Variants in CXCR5 observed in about 807,000 individuals in gnomAD.
CXCR5 encodes the protein C-X-C motif chemokine receptor 5, also known as C-X-C chemokine receptor type 5.
Under a neutral mutation model 5.6 loss-of-function variants are expected in CXCR5, and 3 were observed. The observed-to-expected ratio is 0.54, with a 90% CI of 0.24 to 1.39. The LOEUF (loss-of-function observed/expected upper bound fraction) is 1.39, where lower values mean the gene tolerates loss of function less well. Ranked by LOEUF, CXCR5 falls within the 40% of genes most tolerant of loss-of-function variation. CXCR5 has a pLI of 0.16. For synonymous variants in CXCR5, 218 were observed against 219.9 expected (o/e 0.99, Z 0.08); for missense variants, 333 against 494.6 (o/e 0.67, Z 3.10).
chr11:118,891,191 T>TG lies in CXCR5; in HGVS notation c.52-2401dup, dbSNP rs558886784. Among the ~76,000 whole-genome samples, 174 of 152,204 alleles carry TG rather than the reference T, an allele frequency of 1.1e-3. 1 individual carries two copies. Among genetic ancestry groups the TG allele is most frequent in the Non-Finnish European group, 2.1e-3 (145 of 67,990 alleles). On this transcript the variant is annotated intron_variant, in intron 1 of 1. Coordinates refer to ENST00000292174, the MANE Select transcript of CXCR5 (RefSeq NM_001716.5). ...TTTTTAAAAAAATGTTTTGTAGAGA[T>TG]GGGGTCTCGCTATGTCATGCAGGCT...
chr11:118,891,050 G>T (rs925124388), intron 1 of CXCR5, among the ~76,000 whole-genome samples: 3 of 152,172 alleles, frequency 2.0e-5, no homozygotes, highest in Non-Finnish European at 2.9e-5. Context: ...ACTCCAGCCT[G>T]GGCAACATAG....
rs2137662892 is a variant in CXCR5, at chr11:118,895,458, C to T, written c.*795C>T. ...ACAGAGGGAAGAAAAGAGCTTTCTTCCCGAACCCCAAGGAGGGAGATGGAT... is the reference window on the plus strand; with the variant it reads ...ACAGAGGGAAGAAAAGAGCTTTCTTTCCGAACCCCAAGGAGGGAGATGGAT... On this transcript the variant is annotated 3_prime_UTR_variant, in exon 2 of 2. Transcript: ENST00000292174. This position sits in a 1 kb window ranked among gnomAD's most constrained non-coding sequence, Gnocchi z 4.2. 6.0e-6 allele frequency: 1 copy of T among 167,154 alleles called. No individual in the cohort carries two copies. Among genetic ancestry groups the T allele is most frequent in the Middle Eastern group, 3.4e-3 (1 of 296 alleles). The allele number at this position is 167,154 out of a possible 1,614,324, so 10.4% of individuals were successfully genotyped here.
rs1267106169 is a variant in CXCR5, at chr11:118,896,882, GAA to G, written c.*2220_*2221del. The G allele has an allele frequency of 6.5e-6, 1 of 152,752 alleles. No individual in the cohort carries two copies. Among genetic ancestry groups the G allele is most frequent in the East Asian group, 1.9e-4 (1 of 5,192 alleles). 9.5% of individuals were successfully genotyped at this position (152,752 alleles called of 1,614,324 possible). A position where few individuals can be genotyped will look rare whatever the true frequency, so the allele number is the denominator to read the frequency against. On this transcript the variant is annotated 3_prime_UTR_variant, in exon 2 of 2. Coordinates refer to ENST00000292174, the MANE Select transcript of CXCR5 (RefSeq NM_001716.5). ...GGCAGGAAAGGAAGTGAGAAAAGGA[GAA>G]GTTTTTTTACTCCTGGGGCCAAAGT...
Position 118,884,803 on chromosome 11 carries a change from C to T in CXCR5, c.51+811C>T, listed in dbSNP as rs75605931. Among the ~76,000 whole-genome samples, 438 of 152,296 alleles carry T rather than the reference C, an allele frequency of 2.9e-3. 3 individuals carry two copies. Among genetic ancestry groups the T allele is most frequent in the African/African-American group, 9.3e-3 (386 of 41,560 alleles). Reference sequence around the variant, plus strand: ...GTAGTGGTGCAGTTGACTTGGTTGTCACTGGGCTCCCAGAAGATGTGTGTG... The same window carrying T: ...GTAGTGGTGCAGTTGACTTGGTTGTTACTGGGCTCCCAGAAGATGTGTGTG... On this transcript the variant is annotated intron_variant, in intron 1 of 1. Coordinates refer to ENST00000292174, the MANE Select transcript of CXCR5 (RefSeq NM_001716.5).
intron 1 of CXCR5, among the ~76,000 whole-genome samples, chr11:118,888,223 G>T (rs917981471): frequency 2.0e-5 from 3 of 152,096 alleles, no homozygotes; most frequent in African/African-American, 7.2e-5. Context: ...CTTCCTAAAG[G>T]TACCATCTCA....
At chr11:118,892,731 G>A (rs563001249) in intron 1 of CXCR5, among the ~76,000 whole-genome samples, 4 of 151,992 alleles carry the variant, frequency 2.6e-5, no homozygotes, top group African/African-American at 9.7e-5. Context: ...GAGACATCAC[G>A]GGCACACCCC....
intron 1 of CXCR5, among the ~76,000 whole-genome samples, chr11:118,888,901 T>G (rs566416): frequency 0.19 from 28,890 of 152,120 alleles, 3,713 homozygotes; most frequent in Admixed American, 0.36. Flanking sequence ...CCTGCTGACA[T>G]AGAATCCCCA....
intron 1 of CXCR5, among the ~76,000 whole-genome samples, chr11:118,890,253 G>A (rs541648838): frequency 6.6e-6 from 1 of 152,144 alleles, no homozygotes; most frequent in Non-Finnish European, 1.5e-5. Context: ...GGTTATAAGG[G>A]CTCCTGGCCT....
In CXCR5 at chr11:118,893,120, A is replaced by G. The variant is rs1284367874; in HGVS notation, c.52-476A>G. On this transcript the variant is annotated intron_variant, in intron 1 of 1. Coordinates refer to ENST00000292174, the MANE Select transcript of CXCR5 (RefSeq NM_001716.5). The surrounding 1 kb of genome is among the most constrained non-coding windows in gnomAD (Gnocchi z 5.7). The stretch of plus-strand genomic sequence containing the variant: ...ACAGTCAGGAACAGGAAGACCCATG[A>G]GGAGGGAGCCCACAGGCCAAGTCAG... Among the ~76,000 whole-genome samples the G allele has an allele frequency of 2.6e-5, 4 of 152,210 alleles. No homozygotes were observed. The highest frequency in any genetic ancestry group is 2.0e-4 in the Admixed American group (3 of 15,284).
chr11:118,889,541 CA>C (rs1661012582), intron 1 of CXCR5, among the ~76,000 whole-genome samples: 1 of 152,322 alleles, frequency 6.6e-6, no homozygotes, highest in South Asian at 2.1e-4. Context: ...AGGCCGGAGC[CA>C]ACCTTGCTTT....
chr11:118,886,694 G>C (rs1426410816), intron 1 of CXCR5: 1 of 272,172 alleles, frequency 3.7e-6, no homozygotes, highest in Non-Finnish European at 7.1e-6. Context: ...ACCAGGGCCT[G>C]GGCTGGGGCA....
chr11:118,894,813 C>T lies in CXCR5; in HGVS notation c.*150C>T. On this transcript the variant is annotated 3_prime_UTR_variant, in exon 2 of 2. Transcript: ENST00000292174. This position sits in a 1 kb window ranked among gnomAD's most constrained non-coding sequence, Gnocchi z 6.1. ...TTTGGGGTAGCTAGAGGAACCAACC[C>T]CCATTTCTAGAACATCCCTGCCAGC... 1.5e-6 allele frequency: 1 copy of T among 679,828 alleles called. No homozygotes were observed. The allele number at this position is 679,828 out of a possible 1,614,324, so 42.1% of individuals were successfully genotyped here.
chr11:118,892,020 C>A (rs1939818124), intron 1 of CXCR5, among the ~76,000 whole-genome samples: 1 of 152,040 alleles, frequency 6.6e-6, no homozygotes, highest in Admixed American at 6.6e-5. Flanking sequence ...GAAAACTTAC[C>A]CTGTCCTCTG....
chr11:118,887,423 C>A, intron 1 of CXCR5: 3 of 985,516 alleles, frequency 3.0e-6, no homozygotes, highest in Non-Finnish European at 3.6e-6. Flanking sequence ...GCTGGGGTGC[C>A]AGGTGGGGCT....
intron 1 of CXCR5, 138 bp downstream of exon 1, chr11:118,884,130 G>C: frequency 1.2e-6 from 1 of 822,076 alleles, no homozygotes; most frequent in Non-Finnish European, 2.0e-6. Flanking sequence ...AGGTCAGTCA[G>C]CTCCCGCCCT....
chr11:118,889,411 G>A (rs1325198383), intron 1 of CXCR5, among the ~76,000 whole-genome samples: 3 of 152,200 alleles, frequency 2.0e-5, no homozygotes, highest in Non-Finnish European at 4.4e-5. Flanking sequence ...GTCAAAGAAT[G>A]GGCACACCGC....
chr11:118,890,840 C>G (rs1357309391), intron 1 of CXCR5, among the ~76,000 whole-genome samples: 1 of 152,196 alleles, frequency 6.6e-6, no homozygotes. Flanking sequence ...CCTGGAGCCC[C>G]AACACCACTC....
intron 1 of CXCR5, among the ~76,000 whole-genome samples, chr11:118,889,260 T>C (rs1330226798): frequency 6.6e-6 from 1 of 152,244 alleles, no homozygotes; most frequent in Admixed American, 6.5e-5. Flanking sequence ...CCCTGGCCCA[T>C]GACCAGGCTG....
intron 1 of CXCR5, chr11:118,887,397 C>T: frequency 2.0e-6 from 2 of 985,420 alleles, no homozygotes; most frequent in African/African-American, 3.5e-5. Context: ...ACTCTGTATC[C>T]AAAGGGCAAA....
Sources: gnomAD v4.1 joint callset for allele counts (sites outside exome capture counted in the v4.1 genomes callset) on GRCh38, gnomAD v4.1.1 for gene constraint, Gnocchi (gnomAD v3.1) non-coding constraint, MANE v1.5 for transcripts, NCBI Gene and HGNC (gene_info 2026-07-23, HGNC 2026-07-21) for gene names.